The following KCNAB1 variants were observed in gnomAD, a reference collection of about 807,000 sequenced individuals.
The protein encoded by KCNAB1 is potassium voltage-gated channel subfamily A regulatory beta subunit 1.
A neutral mutation model predicts 64.6 loss-of-function variants in KCNAB1; 35 were observed. That is an observed-to-expected ratio of 0.54 (90% CI 0.41 to 0.72). The LOEUF is 0.72. KCNAB1 is among the 30% of genes least tolerant of loss of function. KCNAB1 has a pLI of 0.00. For missense variants in KCNAB1, 401 were observed against 512.9 expected, an observed-to-expected ratio of 0.78 and a Z score of 2.11; for synonymous variants, 177 against 183.8, an observed-to-expected ratio of 0.96 and a Z score of 0.30.
At chr3:156,174,047 C>T (rs1389354353) in intron 1 of KCNAB1, among the ~76,000 whole-genome samples, 2 of 152,188 alleles carry the variant, frequency 1.3e-5, no homozygotes, top group Non-Finnish European at 2.9e-5. Context: ...CCTGAGTCTC[C>T]AGCTTGCAGA....
intron 8 of KCNAB1, among the ~76,000 whole-genome samples, chr3:156,486,466 G>C (rs1715224333): frequency 6.6e-6 from 1 of 152,154 alleles, no homozygotes; most frequent in Non-Finnish European, 1.5e-5. Context: ...ACCCTGGTTG[G>C]GATGGGGGTT....
At chr3:156,123,374 A>G (rs1368306361) in intron 1 of KCNAB1, among the ~76,000 whole-genome samples, 1 of 152,236 alleles carries the variant, frequency 6.6e-6, no homozygotes, top group Admixed American at 6.5e-5. Flanking sequence ...AATATTTTAC[A>G]TCAGGTTAAT....
intron 12 of KCNAB1, 102 bp downstream of exon 12, chr3:156,524,049 G>A: frequency 2.7e-6 from 3 of 1,128,416 alleles, no homozygotes; most frequent in Non-Finnish European, 2.5e-6. Context: ...GTCTATTGCA[G>A]GGACAGATGA....
intron 1 of KCNAB1, among the ~76,000 whole-genome samples, chr3:156,173,068 G>A (rs540720475): frequency 7.9e-5 from 12 of 152,292 alleles, no homozygotes; most frequent in African/African-American, 1.9e-4. Context: ...TTTAGAAAAG[G>A]CTTCTCCTCT....
In KCNAB1 at chr3:156,537,862, A is replaced by T. The variant is rs1719163319; in HGVS notation, c.*1115A>T. ...GAAAGTCAACCACTGGCTTTGTGAAAAATGCTATGTCACTATTCAGAATAT... is the reference window on the plus strand; with the variant it reads ...GAAAGTCAACCACTGGCTTTGTGAATAATGCTATGTCACTATTCAGAATAT... On this transcript the variant is annotated 3_prime_UTR_variant, in exon 14 of 14. Transcript: ENST00000490337. 1 of 152,466 alleles carries T rather than the reference A, an allele frequency of 6.6e-6. No homozygotes were observed. The highest frequency in any genetic ancestry group is 2.1e-4 in the South Asian group (1 of 4,830). The allele number at this position is 152,466 out of a possible 1,614,324, so 9.4% of individuals were successfully genotyped here.
upstream of KCNAB1, chr3:156,118,376 T>C (rs998131435): frequency 8.9e-6 from 4 of 450,360 alleles, no homozygotes; most frequent in Admixed American, 9.6e-5. Flanking sequence ...ATCTCAAGAG[T>C]GGTGGGTGAA....
At chr3:156,167,261 A>G (rs545522069) in intron 1 of KCNAB1, among the ~76,000 whole-genome samples, 2 of 152,268 alleles carry the variant, frequency 1.3e-5, no homozygotes, top group African/African-American at 2.4e-5. Flanking sequence ...TGGCATGTCT[A>G]TCAGACGGTG....
chr3:156,315,103 C>G (rs1352431208), intron 1 of KCNAB1, among the ~76,000 whole-genome samples: 1 of 152,178 alleles, frequency 6.6e-6, no homozygotes, highest in East Asian at 1.9e-4. Context: ...CATACTTTGT[C>G]AATAGGACAA....
intron 1 of KCNAB1, among the ~76,000 whole-genome samples, chr3:156,370,813 C>T (rs1206429693): frequency 2.0e-5 from 3 of 152,230 alleles, no homozygotes; most frequent in African/African-American, 7.2e-5. Context: ...GGCTCACATA[C>T]AGGGGAGAGA....
At position 156,508,545 on chromosome 3, in the gene KCNAB1, C is replaced by CA. The variant is rs1269755292; in HGVS notation, c.659-5818dup. ...GACATAAAATGCATATTTTTTAAAA[C>CA]ATTGATGGCCTACATTACTGAAACA... On this transcript the variant is annotated intron_variant, in intron 8 of 13. Coordinates refer to ENST00000490337, the MANE Select transcript of KCNAB1 (RefSeq NM_172160.3). This position sits in a 1 kb window ranked among gnomAD's most constrained non-coding sequence, Gnocchi z 4.1. 6.6e-6 allele frequency among the ~76,000 whole-genome samples: 1 copy of CA among 152,176 alleles called. No individual in the cohort carries two copies. The highest frequency in any genetic ancestry group is 1.5e-5 in the Non-Finnish European group (1 of 68,022).
intron 1 of KCNAB1, among the ~76,000 whole-genome samples, chr3:156,417,333 C>A (rs1168477578): frequency 6.6e-6 from 1 of 152,190 alleles, no homozygotes; most frequent in Non-Finnish European, 1.5e-5. Context: ...TGATGTAATT[C>A]TCTGACCACA....
At chr3:156,424,267 G>A (rs1031563697) in intron 2 of KCNAB1, among the ~76,000 whole-genome samples, 11 of 152,166 alleles carry the variant, frequency 7.2e-5, no homozygotes, top group African/African-American at 2.7e-4. Flanking sequence ...GGGTCCTGAT[G>A]ATGTGTGAGA....
intron 1 of KCNAB1, among the ~76,000 whole-genome samples, chr3:156,362,346 T>C (rs2108109511): frequency 6.6e-6 from 1 of 152,344 alleles, no homozygotes; most frequent in South Asian, 2.1e-4. Context: ...AAGAGAAAAC[T>C]TTGACATCTA....
At chr3:156,383,153 T>C (rs1346218488) in intron 1 of KCNAB1, among the ~76,000 whole-genome samples, 3 of 152,126 alleles carry the variant, frequency 2.0e-5, no homozygotes, top group South Asian at 2.1e-4. Context: ...AGAGATTAGA[T>C]TGGGGATGGG....
intron 1 of KCNAB1, among the ~76,000 whole-genome samples, chr3:156,244,030 A>G (rs1717317130): frequency 6.6e-6 from 1 of 152,194 alleles, no homozygotes; most frequent in Non-Finnish European, 1.5e-5. Context: ...CTTTCTGAAC[A>G]TTTCCCACAT....
chr3:156,327,711 C>T (rs1258275513), intron 1 of KCNAB1, among the ~76,000 whole-genome samples: 2 of 152,060 alleles, frequency 1.3e-5, no homozygotes, highest in Non-Finnish European at 2.9e-5. Flanking sequence ...ACAGAGTTGG[C>T]ACAGAGTAGA....
At chr3:156,422,107 T>TG (rs894966256) in intron 2 of KCNAB1, among the ~76,000 whole-genome samples, 6 of 152,146 alleles carry the variant, frequency 3.9e-5, no homozygotes, top group South Asian at 2.1e-4. Context: ...CTTAAATATT[T>TG]GGGGGGGCAA....
intron 8 of KCNAB1, among the ~76,000 whole-genome samples, chr3:156,483,688 C>T (rs951347481): frequency 6.6e-6 from 1 of 152,134 alleles, no homozygotes; most frequent in Non-Finnish European, 1.5e-5. Flanking sequence ...AGCAAAGGCA[C>T]ATTACAGAGT....
intron 12 of KCNAB1, among the ~76,000 whole-genome samples, chr3:156,526,343 TTTTC>T (rs1718309981): frequency 6.6e-6 from 1 of 152,180 alleles, no homozygotes; most frequent in East Asian, 1.9e-4. Context: ...TTATTTTAAA[TTTTC>T]TAGTGACCAC....
Sources: allele counts gnomAD v4.1 joint callset (sites outside exome capture counted in the v4.1 genomes callset), GRCh38; gene constraint gnomAD v4.1.1; non-coding constraint Gnocchi (gnomAD v3.1); transcripts MANE v1.5; gene names NCBI Gene and HGNC (gene_info 2026-07-23, HGNC 2026-07-21).